Variants in OTOGL observed in about 807,000 individuals in gnomAD.
OTOGL encodes the protein otogelin-like protein.
In OTOGL, 285 loss-of-function variants were observed where a neutral mutation model predicts 318.5. The observed-to-expected ratio is 0.89, with a 90% CI of 0.81 to 0.99. The LOEUF is 0.99. OTOGL is among the 50% of genes least tolerant of loss of function. The pLI, the probability that OTOGL is intolerant of heterozygous loss-of-function variation, is 0.00. For synonymous variants in OTOGL, 987 were observed against 936.5 expected, an observed-to-expected ratio of 1.05 and a Z score of -0.99; for missense variants, 2,899 against 2,845.6, an observed-to-expected ratio of 1.02 and a Z score of -0.43.
At chr12:80,281,058 C>T (rs1292673789) in intron 26 of OTOGL, among the ~76,000 whole-genome samples, 1 of 151,842 alleles carries the variant, frequency 6.6e-6, no homozygotes, top group African/African-American at 2.4e-5. Flanking sequence ...TATCCTGAAA[C>T]TTTACTGAAG....
rs1305346416 is a variant in OTOGL, at chr12:80,250,485, T to C, written c.1053-1208T>C. On this transcript the variant is annotated intron_variant, in intron 11 of 58. Coordinates refer to ENST00000547103, the MANE Select transcript of OTOGL (RefSeq NM_001378609.3). ...AAACCACCGTTAATGTAGGAAAGAA[T>C]GCACATATTAGAAGGTAAATCATAA... Among the ~76,000 whole-genome samples the C allele has an allele frequency of 2.0e-5, 3 of 152,198 alleles. No homozygotes were observed. The East Asian group carries it at 5.8e-4, about 29-fold the overall frequency.
chr12:80,102,933 T>G (rs1406001462), intron 1 of OTOGL: 2 of 826,728 alleles, frequency 2.4e-6, no homozygotes, highest in African/African-American at 3.3e-5. Flanking sequence ...TTCCTTGTAT[T>G]TGCCCTTTTC....
chr12:80,203,812 A>G (rs1023030778), intron 1 of OTOGL, among the ~76,000 whole-genome samples: 59 of 152,150 alleles, frequency 3.9e-4, no homozygotes, highest in African/African-American at 1.4e-3. Context: ...TTCTCTTTTT[A>G]TCATAATGCA....
intron 11 of OTOGL, among the ~76,000 whole-genome samples, chr12:80,247,235 A>T (rs1346325675): frequency 3.4e-5 from 5 of 148,966 alleles, no homozygotes; most frequent in African/African-American, 5.2e-5. Context: ...TTGCTTTTCT[A>T]GTTCTTTTAA....
rs1877205114 is a variant in OTOGL at position 80,210,944 on chromosome 12, A to T, written c.119+58A>T. On this transcript the variant is annotated intron_variant, in intron 3 of 58. Coordinates refer to ENST00000547103, the MANE Select transcript of OTOGL (RefSeq NM_001378609.3). ...ACATAAAGTTAATGGGAATGAGCAAACCTCAGCAGGCAACTATATCTGCTT... is the reference window on the plus strand; with the variant it reads ...ACATAAAGTTAATGGGAATGAGCAATCCTCAGCAGGCAACTATATCTGCTT... The T allele has an allele frequency of 3.4e-6, 4 of 1,191,894 alleles. No homozygotes were observed. In the South Asian group the frequency reaches 7.9e-5, roughly 24 times the overall value. The allele number at this position is 1,191,894 out of a possible 1,614,324, so 73.8% of individuals were successfully genotyped here. A position where few individuals can be genotyped will look rare whatever the true frequency, so the allele number is the denominator to read the frequency against.
At chr12:80,241,618 C>T (rs543747795) in intron 11 of OTOGL, among the ~76,000 whole-genome samples, 1 of 152,082 alleles carries the variant, frequency 6.6e-6, no homozygotes, top group South Asian at 2.1e-4. Context: ...ATCTTTAGCA[C>T]CCATTTGTCA....
intron 1 of OTOGL, among the ~76,000 whole-genome samples, chr12:80,154,513 T>C (rs1872996374): frequency 6.6e-6 from 1 of 152,076 alleles, no homozygotes; most frequent in African/African-American, 2.4e-5. Flanking sequence ...CTATAAAACC[T>C]CCCCTTTGCA....
chr12:80,112,438 G>A (rs1464494212), intron 1 of OTOGL, among the ~76,000 whole-genome samples: 2 of 152,190 alleles, frequency 1.3e-5, no homozygotes, highest in Non-Finnish European at 2.9e-5. Flanking sequence ...AGTTTATTGA[G>A]TGTTTTTAGC....
intron 27 of OTOGL, among the ~76,000 whole-genome samples, chr12:80,299,281 A>G (rs1885603876): frequency 1.3e-5 from 2 of 152,242 alleles, no homozygotes; most frequent in Non-Finnish European, 2.9e-5. Flanking sequence ...ATAAGCACCA[A>G]CCAGATATTC....
intron 54 of OTOGL, 121 bp from the exon 55 acceptor site, chr12:80,368,084 T>C: frequency 1.4e-6 from 1 of 718,684 alleles, no homozygotes; most frequent in Non-Finnish European, 2.2e-6. Context: ...ATATTCAACC[T>C]TAGAAATCCT....
At chr12:80,122,952 G>A (rs1179028624) in intron 1 of OTOGL, among the ~76,000 whole-genome samples, 4 of 150,968 alleles carry the variant, frequency 2.6e-5, no homozygotes, top group Non-Finnish European at 5.9e-5. Flanking sequence ...GGAGTCCAGA[G>A]CCTGAACCAG....
chr12:80,134,011 C>A (rs1302691100), intron 1 of OTOGL, among the ~76,000 whole-genome samples: 1 of 152,002 alleles, frequency 6.6e-6, no homozygotes, highest in Non-Finnish European at 1.5e-5. Context: ...AAAGTAGAGT[C>A]ACTGAATTTC....
intron 48 of OTOGL, 76 bp downstream of exon 48, chr12:80,356,596 G>A: frequency 8.4e-6 from 10 of 1,187,862 alleles, no homozygotes; most frequent in Non-Finnish European, 9.4e-6. Context: ...CTCATTCATT[G>A]TGTCTCCAAG....
At position 80,219,853 on chromosome 12, in the gene OTOGL, C is replaced by A. The variant is rs1878127836; in HGVS notation, c.275C>A (p.Ser92Tyr). Residue 92 changes from serine (S) to tyrosine (Y), a missense_variant, in exon 6 of 59, where the codon TCT (serine) becomes TAT (tyrosine). By Grantham distance (144) the Ser-to-Tyr change is moderately radical. Coordinates refer to ENST00000547103, the MANE Select transcript of OTOGL (RefSeq NM_001378609.3). ...GAATGCCTTAATGGAGCTTTCTGTT[C>A]TAAGACTGGAACATGTGACTGTCAA... ...PYECLNGAFCSKTGTCDCQIF... is the reference protein window; with the variant it reads ...PYECLNGAFCYKTGTCDCQIF... 1.3e-6 allele frequency: 2 copies of A among 1,589,750 alleles called. No homozygotes were observed. The highest frequency in any genetic ancestry group is 3.4e-5 in the Admixed American group (2 of 59,472).
chr12:80,301,711 G>A (rs1592678268), intron 27 of OTOGL, among the ~76,000 whole-genome samples: 1 of 152,078 alleles, frequency 6.6e-6, no homozygotes, highest in African/African-American at 2.4e-5. Context: ...ACCTTTGATG[G>A]TAATTCACTG....
chr12:80,233,199 T>C (rs1414812580), intron 9 of OTOGL, 102 bp downstream of exon 9: 2 of 1,068,508 alleles, frequency 1.9e-6, no homozygotes, highest in Admixed American at 3.1e-5. Context: ...TTGGGAAAAT[T>C]TGTGGCTGTC....
At chr12:80,162,500 T>G (rs1186250403) in intron 1 of OTOGL, among the ~76,000 whole-genome samples, 1 of 151,962 alleles carries the variant, frequency 6.6e-6, no homozygotes, top group Non-Finnish European at 1.5e-5. Context: ...AAAAAACAAA[T>G]TTATTGTCTG....
At chr12:80,339,703 AAAAGCTTGAAATC>A (rs1421345386) in intron 43 of OTOGL, among the ~76,000 whole-genome samples, 11 of 152,082 alleles carry the variant, frequency 7.2e-5, no homozygotes, top group Non-Finnish European at 1.5e-4. Context: ...TAATTTTTTT[AAAAGCTTGAAATC>A]AGGGAAAACT....
At chr12:80,153,934 G>A (rs1041118633) in intron 1 of OTOGL, among the ~76,000 whole-genome samples, 1 of 152,162 alleles carries the variant, frequency 6.6e-6, no homozygotes, top group African/African-American at 2.4e-5. Flanking sequence ...TAGAGACCAG[G>A]CTTGAAGAAT....
Sources: gnomAD v4.1 joint callset for allele counts (sites outside exome capture counted in the v4.1 genomes callset) on GRCh38, gnomAD v4.1.1 for gene constraint, MANE v1.5 for transcripts, NCBI Gene and HGNC (gene_info 2026-07-23, HGNC 2026-07-21) for gene names.